OR8J3: variants seen among roughly 807,000 people sequenced by gnomAD.
OR8J3 encodes olfactory receptor 8J3.
For missense variants in OR8J3, 418 were observed against 379.8 expected, an observed-to-expected ratio of 1.10 and a Z score of -0.84; for synonymous variants, 170 against 142.6, an observed-to-expected ratio of 1.19 and a Z score of -1.37.
chr11:56,137,660 C>A lies in OR8J3; in HGVS notation c.59G>T (p.Cys20Phe). Residue 20 changes from cysteine (C) to phenylalanine (F), a missense_variant, in exon 2 of 2, where the codon TGT becomes TTT. Physicochemically the swap from Cys to Phe is radical, Grantham distance 205. Transcript: ENST00000642058. ...TEFILTGVSS[C>F]PELQIPLFLV... ...GAAGAGGGGAATCTGGAGCTCTGGA[C>A]AGCTAGAGACACCTGTGAGAATAAA... 6.2e-7 allele frequency: 1 copy of A among 1,613,488 alleles called. No homozygotes were observed. The highest frequency in any genetic ancestry group is 1.1e-5 in the South Asian group (1 of 90,944).
In OR8J3 at chr11:56,136,795, T is replaced by C. The variant is rs376721662; in HGVS notation, c.924A>G (p.Pro308=). The change falls in exon 2 of 2, where the codon CCA becomes CCG. Residue 308 remains proline (P), a synonymous_variant. Transcript: ENST00000642058. Reference sequence around the variant, plus strand: ...ATTACATTGATTTAAAGGAGTAACATGGATTTTCCATGAATTTCTTTAAGG... The same window carrying C: ...ATTACATTGATTTAAAGGAGTAACACGGATTTTCCATGAATTTCTTTAAGG... ...NVALKKFMEN[P]CYSFKSM 5.8e-4 allele frequency: 929 copies of C among 1,591,938 alleles called. 15 individuals carry two copies. In the South Asian group the frequency reaches 9.1e-3, roughly 16 times the overall value.
At position 56,137,496 on chromosome 11, in the gene OR8J3, T is replaced by C. The variant is rs1854345583; in HGVS notation, c.223A>G (p.Thr75Ala). The C allele has an allele frequency of 6.2e-7, 1 of 1,614,226 alleles. No individual in the cohort carries two copies. The highest frequency in any genetic ancestry group is 8.5e-7 in the Non-Finnish European group (1 of 1,180,042). ...HLAIINLGNS[T>A]VIAPKMLMNF... is the part of the protein sequence containing the mutation. Reference sequence around the variant, plus strand: ...ATCAGCATTTTAGGGGCAATGACAGTAGAGTTGCCAAGATTGATGATAGCT... The same window carrying C: ...ATCAGCATTTTAGGGGCAATGACAGCAGAGTTGCCAAGATTGATGATAGCT... Residue 75 changes from threonine to alanine, a missense_variant, in exon 2 of 2, where the codon ACT becomes GCT. Transcript: ENST00000642058.
Position 56,137,122 on chromosome 11 carries a change from G to A in OR8J3, c.597C>T (p.Val199=). The A allele has an allele frequency of 6.2e-7, 1 of 1,613,196 alleles. No individual in the cohort carries two copies. The highest frequency in any genetic ancestry group is 8.5e-7 in the Non-Finnish European group (1 of 1,179,652). The change falls in exon 2 of 2, where the codon GTC becomes GTT. Residue 199 remains valine, a synonymous_variant. Transcript: ENST00000642058. The part of the protein sequence containing the change: ...CSDTYIPETI[V]FISAATNLVF... ...CCAAATTTGTTGCTGCAGATATAAA[G>A]ACTATTGTTTCTGGTATGTAAGTAT...
intron 1 of OR8J3, among the ~76,000 whole-genome samples, chr11:56,138,709 T>A (rs1001192874): frequency 2.9e-5 from 4 of 140,140 alleles, no homozygotes; most frequent in African/African-American, 5.2e-5. Context: ...AAAAAAAAAA[T>A]CAGTAAGATT....
At chr11:56,138,875 AAT>A (rs1343361807) in intron 1 of OR8J3, among the ~76,000 whole-genome samples, 1 of 151,968 alleles carries the variant, frequency 6.6e-6, no homozygotes, top group Non-Finnish European at 1.5e-5. Flanking sequence ...TTGTTTATAA[AAT>A]GTTATATTTC....
chr11:56,139,301 A>C (rs1290855719), intron 1 of OR8J3, among the ~76,000 whole-genome samples: 3 of 152,170 alleles, frequency 2.0e-5, no homozygotes, highest in African/African-American at 7.2e-5. Flanking sequence ...AAAGAGATAG[A>C]ATAGAAAGAG....
chr11:56,136,802 T>C lies in OR8J3; in HGVS notation c.917A>G (p.Glu306Gly). The C allele has an allele frequency of 6.3e-7, 1 of 1,596,622 alleles. No homozygotes were observed. Among genetic ancestry groups the C allele is most frequent in the Non-Finnish European group, 8.5e-7 (1 of 1,172,658 alleles). Residue 306 changes from glutamate to glycine, a missense_variant, in exon 2 of 2, where the codon GAA becomes GGA. Coordinates refer to ENST00000642058, the MANE Select transcript of OR8J3 (RefSeq NM_001004064.2). ...DVNVALKKFM[E>G]NPCYSFKSM is the part of the protein sequence containing the mutation. ...TGATTTAAAGGAGTAACATGGATTT[T>C]CCATGAATTTCTTTAAGGCAACATT...
chr11:56,137,339 C>A lies in OR8J3; in HGVS notation c.380G>T (p.Cys127Phe). The A allele has an allele frequency of 6.2e-7, 1 of 1,614,052 alleles. No individual in the cohort carries two copies. The highest frequency in any genetic ancestry group is 8.5e-7 in the Non-Finnish European group (1 of 1,179,994). ...CACCACCATGTAGAGCAGAGGGTTA[C>A]AAATGGCCACATAGCGGTCATAGGC... ...VMAYDRYVAICNPLLYMVVVS... is the reference protein window; with the variant it reads ...VMAYDRYVAIFNPLLYMVVVS... The change falls in exon 2 of 2, where the codon TGT becomes TTT. Residue 127 changes from cysteine (C) to phenylalanine (F), a missense_variant. Coordinates refer to ENST00000642058, the MANE Select transcript of OR8J3 (RefSeq NM_001004064.2).
Position 56,138,330 on chromosome 11 carries a change from T to TTTTC in OR8J3, c.-616_-613dup, listed in dbSNP as rs1265738189. The TTTTC allele has an allele frequency of 6.6e-6, 1 of 152,184 alleles. No homozygotes were observed. Among genetic ancestry groups the TTTTC allele is most frequent in the Non-Finnish European group, 1.5e-5 (1 of 68,048 alleles). 9.4% of individuals were successfully genotyped at this position (152,184 alleles called of 1,614,324 possible). A position where few individuals can be genotyped will look rare whatever the true frequency, so the allele number is the denominator to read the frequency against. On this transcript the variant is annotated 5_prime_UTR_variant, in exon 2 of 2. Coordinates refer to ENST00000642058, the MANE Select transcript of OR8J3 (RefSeq NM_001004064.2). ...CATGGATAAATCTCTTCAGATCTAT[T>TTTTC]TTTCAGGTAGCTGTTTCTCTTCTTA...
rs1221127005 is a variant in OR8J3 at position 56,138,104 on chromosome 11, T to C, written c.-386A>G. 2.7e-5 allele frequency: 5 copies of C among 184,712 alleles called. No individual in the cohort carries two copies. The highest frequency in any genetic ancestry group is 5.6e-5 in the Non-Finnish European group (5 of 89,378). The allele number at this position is 184,712 out of a possible 1,614,324, so 11.4% of individuals were successfully genotyped here. A position where few individuals can be genotyped will look rare whatever the true frequency, so the allele number is the denominator to read the frequency against. On this transcript the variant is annotated 5_prime_UTR_variant, in exon 2 of 2. Coordinates refer to ENST00000642058, the MANE Select transcript of OR8J3 (RefSeq NM_001004064.2). ...TGAGAAAGGCTTAAGAAATTGTATATCGCCAAATAATCCAATGGCTACTTG... is the reference window on the plus strand; with the variant it reads ...TGAGAAAGGCTTAAGAAATTGTATACCGCCAAATAATCCAATGGCTACTTG...
chr11:56,137,169 G>T lies in OR8J3; in HGVS notation c.550C>A (p.Leu184Met). The T allele has an allele frequency of 6.2e-7, 1 of 1,613,656 alleles. No individual in the cohort carries two copies. Among genetic ancestry groups the T allele is most frequent in the Non-Finnish European group, 8.5e-7 (1 of 1,179,674 alleles). Residue 184 changes from leucine to methionine, a missense_variant, in exon 2 of 2, where the codon CTG becomes ATG. Transcript: ENST00000642058. ...INHFYCDIAPLLALSCSDTYI... is the reference protein window; with the variant it reads ...INHFYCDIAPMLALSCSDTYI... ...GTATCAGAGCAAGATAATGCTAACA[G>T]AGGTGCAATATCACAGTAAAAATGA...
At position 56,136,068 on chromosome 11, in the gene OR8J3, G is replaced by C. The variant is rs1237423033; in HGVS notation, c.*703C>G. On this transcript the variant is annotated 3_prime_UTR_variant, in exon 2 of 2. Coordinates refer to ENST00000642058, the MANE Select transcript of OR8J3 (RefSeq NM_001004064.2). ...TAGAACATTTGTTTTACCTATGAAG[G>C]ATGAATGATATTTAGAGGAAGGAGA... 3 of 151,806 alleles carry C rather than the reference G, an allele frequency of 2.0e-5. No individual in the cohort carries two copies. Among genetic ancestry groups the C allele is most frequent in the Non-Finnish European group, 4.4e-5 (3 of 67,886 alleles). The allele number at this position is 151,806 out of a possible 1,614,324, so 9.4% of individuals were successfully genotyped here. A position where few individuals can be genotyped will look rare whatever the true frequency, so the allele number is the denominator to read the frequency against.
In OR8J3 at chr11:56,137,525, T is replaced by C. The variant is rs1489460549; in HGVS notation, c.194A>G (p.His65Arg). Residue 65 changes from histidine (H) to arginine (R), a missense_variant, in exon 2 of 2, where the codon CAT becomes CGT. His to Arg is a conservative substitution (Grantham distance 29, BLOSUM62 0). Coordinates refer to ENST00000642058, the MANE Select transcript of OR8J3 (RefSeq NM_001004064.2). ...LQNPMYFFLR[H>R]LAIINLGNST... ...GTTGCCAAGATTGATGATAGCTAGA[T>C]GTCTCAGGAAAAAGTACATGGGGTT... 4.3e-6 allele frequency: 7 copies of C among 1,614,216 alleles called. No individual in the cohort carries two copies. Among genetic ancestry groups the C allele is most frequent in the Non-Finnish European group, 5.1e-6 (6 of 1,180,040 alleles).
Position 56,136,984 on chromosome 11 carries a change from C to A in OR8J3, c.735G>T (p.Met245Ile), listed in dbSNP as rs1381565644. 4 of 1,613,630 alleles carry A rather than the reference C, an allele frequency of 2.5e-6. No individual in the cohort carries two copies. In the Admixed American group the frequency reaches 6.7e-5, roughly 27 times the overall value. ...TCCCATAGAAAACCGTGACTGCTAT[C>A]ATATGCGAAGCGCAGGTGGAAAAGG... is the stretch of plus-strand genomic sequence containing the variant. ...KKAFSTCASH[M>I]IAVTVFYGTM... The change falls in exon 2 of 2, where the codon ATG becomes ATT. Residue 245 changes from methionine (M) to isoleucine (I), a missense_variant. Coordinates refer to ENST00000642058, the MANE Select transcript of OR8J3 (RefSeq NM_001004064.2).
rs552039632 is a variant in OR8J3, at chr11:56,134,948, C to G, written c.*1823G>C. ...TTCATTTATTATCGCACTAGGTAAACCAATGATTTTTCAACTGATAAACTT... is the reference window on the plus strand; with the variant it reads ...TTCATTTATTATCGCACTAGGTAAAGCAATGATTTTTCAACTGATAAACTT... On this transcript the variant is annotated 3_prime_UTR_variant, in exon 2 of 2. Transcript: ENST00000642058. 9.6e-4 allele frequency: 146 copies of G among 152,008 alleles called. No homozygotes were observed. Among genetic ancestry groups the G allele is most frequent in the Middle Eastern group, 3.4e-3 (1 of 294 alleles). The allele number at this position is 152,008 out of a possible 1,614,324, so 9.4% of individuals were successfully genotyped here.
At position 56,137,424 on chromosome 11, in the gene OR8J3, T is replaced by A. The variant is rs1199177834; in HGVS notation, c.295A>T (p.Thr99Ser). ...KKTTSFYECATQLGGFLFFIV... is the reference protein window; with the variant it reads ...KKTTSFYECASQLGGFLFFIV... ...AAGAACAAGAACCCTCCCAGTTGGG[T>A]GGCACATTCATAGAATGAGGTAGTT... is the stretch of plus-strand genomic sequence containing the variant. The change falls in exon 2 of 2, where the codon ACC becomes TCC. Residue 99 changes from threonine to serine, a missense_variant. Coordinates refer to ENST00000642058, the MANE Select transcript of OR8J3 (RefSeq NM_001004064.2). The A allele has an allele frequency of 6.2e-7, 1 of 1,614,156 alleles. No homozygotes were observed. Among genetic ancestry groups the A allele is most frequent in the African/African-American group, 1.3e-5 (1 of 75,038 alleles).
Position 56,135,219 on chromosome 11 carries a change from T to C in OR8J3, c.*1552A>G, listed in dbSNP as rs1032517723. On this transcript the variant is annotated 3_prime_UTR_variant, in exon 2 of 2. Coordinates refer to ENST00000642058, the MANE Select transcript of OR8J3 (RefSeq NM_001004064.2). ...GTGGTTATATTATTCCATTGTTCAA[T>C]AGAAGGCCTAACTAGAAAACGTATT... 1 of 151,838 alleles carries C rather than the reference T, an allele frequency of 6.6e-6. No individual in the cohort carries two copies. The highest frequency in any genetic ancestry group is 1.9e-4 in the East Asian group (1 of 5,188). 9.4% of individuals were successfully genotyped at this position (151,838 alleles called of 1,614,324 possible).
At position 56,137,921 on chromosome 11, in the gene OR8J3, CAAGTATGGTAAATTTAGTATGGCA is replaced by C. The variant is rs988843751; in HGVS notation, c.-227_-204del. 1.8e-6 allele frequency: 1 copy of C among 541,786 alleles called. No individual in the cohort carries two copies. Among genetic ancestry groups the C allele is most frequent in the African/African-American group, 1.9e-5 (1 of 52,392 alleles). 33.6% of individuals were successfully genotyped at this position (541,786 alleles called of 1,614,324 possible). On this transcript the variant is annotated 5_prime_UTR_variant, in exon 2 of 2. An upstream open reading frame in the 5' UTR loses its in-frame stop. Coordinates refer to ENST00000642058, the MANE Select transcript of OR8J3 (RefSeq NM_001004064.2). ...TGCAATCACTTGGGAGAGAGTAAAGCAAGTATGGTAAATTTAGTATGGCAAAGTAAATAGTTGTTTCAGCATCCT... is the reference window on the plus strand; with the variant it reads ...TGCAATCACTTGGGAGAGAGTAAAGCAAGTAAATAGTTGTTTCAGCATCCT...
rs1854354492 is a variant in OR8J3, at chr11:56,138,179, ACTC to A, written c.-464_-462del. On this transcript the variant is annotated 5_prime_UTR_variant, in exon 2 of 2. Coordinates refer to ENST00000642058, the MANE Select transcript of OR8J3 (RefSeq NM_001004064.2). ...CCTTTGCCTCAAGACTAGGTACTATACTCTTCATTTTAAGAATTATATCCTTTT... is the reference window on the plus strand; with the variant it reads ...CCTTTGCCTCAAGACTAGGTACTATATTCATTTTAAGAATTATATCCTTTT... 6.4e-6 allele frequency: 1 copy of A among 157,028 alleles called. No homozygotes were observed. Among genetic ancestry groups the A allele is most frequent in the Non-Finnish European group, 1.4e-5 (1 of 71,540 alleles). The allele number at this position is 157,028 out of a possible 1,614,324, so 9.7% of individuals were successfully genotyped here.
Sources: gnomAD v4.1 joint callset for allele counts (sites outside exome capture counted in the v4.1 genomes callset) on GRCh38, gnomAD v4.1.1 for gene constraint, MANE v1.5 for transcripts, NCBI Gene and HGNC (gene_info 2026-07-23, HGNC 2026-07-21) for gene names.